HMCN1: variants seen among roughly 807,000 people sequenced by gnomAD.
HMCN1 encodes hemicentin 1, also known as hemicentin-1.
Under a neutral mutation model 625.9 loss-of-function variants are expected in HMCN1, and 321 were observed. The observed-to-expected ratio is 0.51, with a 90% CI of 0.47 to 0.56. The LOEUF is 0.56. Among genes scored for constraint, HMCN1 ranks in the 20% least tolerant of loss-of-function variants. The pLI is 0.00. For synonymous variants in HMCN1, 2,425 were observed against 2,417.6 expected, an observed-to-expected ratio of 1.00 and a Z score of -0.09; for missense variants, 6,588 against 6,887.3, an observed-to-expected ratio of 0.96 and a Z score of 1.54.
intron 4 of HMCN1, among the ~76,000 whole-genome samples, chr1:185,903,329 C>G (rs190392497): frequency 2.5e-4 from 38 of 151,732 alleles, no homozygotes; most frequent in African/African-American, 8.9e-4. Context: ...TTCCTCTTTT[C>G]ACTAATCCCC....
rs150708064 is a variant in HMCN1 at position 185,891,496 on chromosome 1, G to A, written c.622-17841G>A. Among the ~76,000 whole-genome samples the A allele has an allele frequency of 8.4e-3, 1,243 of 147,696 alleles. 189 individuals are homozygous for A. Among genetic ancestry groups the A allele is most frequent in the African/African-American group, 0.03 (1,130 of 37,208 alleles). ...GTGCTTCCTTCAGGAGCTCTTTTAG[G>A]GCAGGCCTGGTCGTGACAAAATCTC... On this transcript the variant is annotated intron_variant, in intron 4 of 106. Coordinates refer to ENST00000271588, the MANE Select transcript of HMCN1 (RefSeq NM_031935.3).
At position 185,917,975 on chromosome 1, in the gene HMCN1, G is replaced by A. The variant is rs147447358; in HGVS notation, c.901-4404G>A. Among the ~76,000 whole-genome samples, 528 of 152,204 alleles carry A rather than the reference G, an allele frequency of 3.5e-3. 1 individual carries two copies. The highest frequency in any genetic ancestry group is 7.3e-3 in the Admixed American group (112 of 15,286). On this transcript the variant is annotated intron_variant, in intron 6 of 106. Transcript: ENST00000271588. ...GCTCCTTCTTTTCCCTTACTGCATT[G>A]TAGGTCAAGGCTACCTATTTACAAC...
chr1:186,052,283 T>C (rs1657006409), intron 42 of HMCN1, among the ~76,000 whole-genome samples: 1 of 151,952 alleles, frequency 6.6e-6, no homozygotes, highest in East Asian at 1.9e-4. Context: ...TCTCAGGATC[T>C]TGGAAGAACA....
intron 86 of HMCN1, among the ~76,000 whole-genome samples, chr1:186,136,086 G>T (rs1649585304): frequency 6.6e-6 from 1 of 152,084 alleles, no homozygotes; most frequent in African/African-American, 2.4e-5. Flanking sequence ...TGAGGCCGGA[G>T]AATTGCTTGA....
intron 2 of HMCN1, among the ~76,000 whole-genome samples, chr1:185,861,472 G>A (rs1199774562): frequency 6.6e-6 from 1 of 152,198 alleles, no homozygotes; most frequent in Admixed American, 6.5e-5. Context: ...CAGGTGCACA[G>A]TGTCATGCGC....
chr1:186,045,797 A>G lies in HMCN1; in HGVS notation c.6414A>G (p.Leu2138=). Residue 2138 remains leucine, a synonymous_variant, in exon 41 of 107, where the codon TTA becomes TTG. Coordinates refer to ENST00000271588, the MANE Select transcript of HMCN1 (RefSeq NM_031935.3). ...TTCCCCCACCTACTCTTACTTGGTT[A>G]AAAGACGGCCACCCCTTGCTGAAGA... ...DAIPPPTLTW[L]KDGHPLLKKP... is the part of the protein sequence containing the mutation. 1 of 1,613,164 alleles carries G rather than the reference A, an allele frequency of 6.2e-7. No individual in the cohort carries two copies. Among genetic ancestry groups the G allele is most frequent in the Non-Finnish European group, 8.5e-7 (1 of 1,179,298 alleles).
intron 1 of HMCN1, among the ~76,000 whole-genome samples, chr1:185,750,801 T>A (rs916227345): frequency 3.3e-5 from 5 of 151,678 alleles, no homozygotes; most frequent in South Asian, 2.1e-4. Context: ...TTTCCCCCTC[T>A]TTTCCTACTG....
rs772387252 is a variant in HMCN1, at chr1:186,103,652, G to A, written c.10754G>A (p.Arg3585Gln). The A allele has an allele frequency of 1.2e-5, 20 of 1,613,610 alleles. No homozygotes were observed. Among genetic ancestry groups the A allele is most frequent in the Middle Eastern group, 1.6e-4 (1 of 6,062 alleles). ...ACTCTAGGAGGAGGAGAGGTTCTTC[G>A]AATTTCTACTGCTCAGGTAAGTGTC... ...VQTLGGGEVL[R>Q]ISTAQVEDTG... Residue 3585 changes from arginine to glutamine, a missense_variant, in exon 69 of 107, where the codon CGA becomes CAA. By Grantham distance (43) the Arg-to-Gln change is conservative (BLOSUM62 1). Around this residue, in one of 3 missense-constraint regions of HMCN1, gnomAD observed 4,628 missense variants for 4,853.1 expected, o/e 0.95. Coordinates refer to ENST00000271588, the MANE Select transcript of HMCN1 (RefSeq NM_031935.3).
chr1:186,087,408 A>T (rs1659565210), intron 59 of HMCN1, 35 bp from the exon 60 acceptor site: 2 of 1,609,318 alleles, frequency 1.2e-6, no homozygotes, highest in African/African-American at 2.7e-5. Flanking sequence ...CACCTTAATG[A>T]AAAAGAAAAT....
intron 1 of HMCN1, among the ~76,000 whole-genome samples, chr1:185,813,330 G>C (rs771386172): frequency 4.6e-5 from 7 of 152,062 alleles, no homozygotes; most frequent in Non-Finnish European, 8.8e-5. Context: ...CCTTAAATTT[G>C]TTTGGTCATC....
At chr1:185,924,284 G>A (rs985898160) in intron 8 of HMCN1, among the ~76,000 whole-genome samples, 1 of 132,296 alleles carries the variant, frequency 7.6e-6, no homozygotes, top group East Asian at 2.3e-4. Context: ...AGGCTGGAGT[G>A]CAGTGGCGCG....
At chr1:185,970,189 T>A (rs1650710813) in intron 14 of HMCN1, 146 bp from the exon 15 acceptor site, 1 of 761,074 alleles carries the variant, frequency 1.3e-6, no homozygotes, top group Non-Finnish European at 2.4e-6. Flanking sequence ...AATTTTAGAC[T>A]GTAGAAAGTG....
chr1:185,888,853 T>C (rs1664852888), intron 4 of HMCN1, among the ~76,000 whole-genome samples: 1 of 147,222 alleles, frequency 6.8e-6, no homozygotes, highest in Admixed American at 6.6e-5. Flanking sequence ...AAGAAAGGCA[T>C]TGGTAGCTTG....
chr1:185,837,538 A>AT, intron 1 of HMCN1, among the ~76,000 whole-genome samples: 1 of 151,886 alleles, frequency 6.6e-6, no homozygotes, highest in African/African-American at 2.4e-5. Flanking sequence ...TTTAATTTTT[A>AT]TTTATTTTTG....
At chr1:185,843,483 C>T (rs1661619009) in intron 1 of HMCN1, among the ~76,000 whole-genome samples, 1 of 152,088 alleles carries the variant, frequency 6.6e-6, no homozygotes, top group Admixed American at 6.6e-5. Flanking sequence ...CAAAGTTGTA[C>T]CTGCTGAATG....
At chr1:185,788,755 G>A (rs1312869714) in intron 1 of HMCN1, among the ~76,000 whole-genome samples, 1 of 152,056 alleles carries the variant, frequency 6.6e-6, no homozygotes, top group Admixed American at 6.6e-5. Context: ...GAGGACATGA[G>A]GTTGTCCCCA....
At chr1:186,056,492 G>C (rs570236877) in intron 45 of HMCN1, among the ~76,000 whole-genome samples, 1 of 152,024 alleles carries the variant, frequency 6.6e-6, no homozygotes, top group East Asian at 1.9e-4. Flanking sequence ...CAAAGACATA[G>C]AATCAGCCTA....
intron 1 of HMCN1, among the ~76,000 whole-genome samples, chr1:185,762,930 C>T (rs1655606747): frequency 6.6e-6 from 1 of 152,114 alleles, no homozygotes; most frequent in Non-Finnish European, 1.5e-5. Context: ...CCTCAAATCA[C>T]AGAAGTTTTT....
chr1:186,047,838 G>C (rs547876739), intron 41 of HMCN1, among the ~76,000 whole-genome samples: 1 of 152,012 alleles, frequency 6.6e-6, no homozygotes, highest in East Asian at 1.9e-4. Context: ...GCTAATTCCA[G>C]CTCTATTGTT....
Sources: allele counts gnomAD v4.1 joint callset (sites outside exome capture counted in the v4.1 genomes callset), GRCh38; gene constraint gnomAD v4.1.1; regional missense constraint gnomAD v4.1.1; transcripts MANE v1.5; gene names NCBI Gene and HGNC (gene_info 2026-07-23, HGNC 2026-07-21).